The following CCDC92 variants were observed in gnomAD, a reference collection of about 807,000 sequenced individuals.
CCDC92 encodes the protein coiled-coil domain-containing protein 92.
CCDC92 carries 12 observed loss-of-function variants against 24.9 expected under a neutral mutation model. The ratio of observed to expected loss-of-function variants is 0.48; its 90% CI spans 0.31 to 0.78. CCDC92 has a LOEUF of 0.78. CCDC92 is among the 30% of genes least tolerant of loss of function. The pLI is 0.05. For missense variants in CCDC92, 399 were observed against 439.4 expected (o/e 0.91, Z 0.82); for synonymous variants, 193 against 196.3 (o/e 0.98, Z 0.14).
At chr12:123,938,847 T>TC (rs1430820124) in intron 4 of CCDC92, among the ~76,000 whole-genome samples, 1 of 151,990 alleles carries the variant, frequency 6.6e-6, no homozygotes, top group East Asian at 1.9e-4. Context: ...ATCCCTGGCC[T>TC]CCCCTCCCTG....
chr12:123,953,801 C>CAA (rs1956085660), intron 1 of CCDC92, among the ~76,000 whole-genome samples: 1 of 150,358 alleles, frequency 6.7e-6, no homozygotes, highest in Non-Finnish European at 1.5e-5. Context: ...AAAACAAAAA[C>CAA]AAAAATTAGC....
At chr12:123,966,127 G>C (rs961965240) in intron 1 of CCDC92, 1 of 152,154 alleles carries the variant, frequency 6.6e-6, no homozygotes, top group African/African-American at 2.4e-5. Flanking sequence ...GTGTCTATTT[G>C]TAACAGGAGT....
intron 1 of CCDC92, among the ~76,000 whole-genome samples, chr12:123,959,080 G>A (rs574567153): frequency 6.6e-6 from 1 of 152,304 alleles, no homozygotes; most frequent in South Asian, 2.1e-4. Context: ...GACCTCCACG[G>A]TTTGCATTCC....
intron 1 of CCDC92, among the ~76,000 whole-genome samples, chr12:123,972,308 C>T (rs1375054032): frequency 6.6e-6 from 1 of 152,070 alleles, no homozygotes; most frequent in Non-Finnish European, 1.5e-5. Flanking sequence ...TGCCTTCGCC[C>T]GGGGCCACCC....
intron 1 of CCDC92, among the ~76,000 whole-genome samples, chr12:123,955,599 G>T (rs1007350485): frequency 1.1e-4 from 16 of 152,292 alleles, no homozygotes; most frequent in African/African-American, 3.9e-4. Flanking sequence ...CCTAATTATA[G>T]TACAGGTTTT....
chr12:123,967,377 A>C (rs1956418545), intron 1 of CCDC92, among the ~76,000 whole-genome samples: 1 of 152,126 alleles, frequency 6.6e-6, no homozygotes, highest in Non-Finnish European at 1.5e-5. Flanking sequence ...CTGAGCGAAA[A>C]ACTCCAACCT....
chr12:123,940,546 C>T (rs1344235179), intron 4 of CCDC92, among the ~76,000 whole-genome samples: 1 of 152,210 alleles, frequency 6.6e-6, no homozygotes, highest in Admixed American at 6.5e-5. Context: ...CTGTCCTTCC[C>T]AGGAATCAGC....
Position 123,937,414 on chromosome 12 carries a change from A to G in CCDC92, c.640T>C (p.Leu214=). ...TAGACCTCTTCAAATTCCGGGTGCA[A>G]GGGGGCTGAGAGGCTCTTTTTCATG... The part of the protein sequence containing the change: ...RRMKKSLSAP[L]HPEFEEVYRF... The change falls in exon 5 of 5, where the codon TTG becomes CTG. Residue 214 remains leucine (L), a synonymous_variant. Transcript: ENST00000238156. The surrounding 1 kb of genome is among the most constrained non-coding windows in gnomAD (Gnocchi z 8.4). 3 of 1,613,698 alleles carry G rather than the reference A, an allele frequency of 1.9e-6. No individual in the cohort carries two copies. Among genetic ancestry groups the G allele is most frequent in the African/African-American group, 1.3e-5 (1 of 74,964 alleles).
At chr12:123,942,705 G>A (rs745995894) in intron 4 of CCDC92, 39 bp downstream of exon 4, 57 of 1,541,572 alleles carry the variant, frequency 3.7e-5, no homozygotes, top group Non-Finnish European at 4.8e-5. Context: ...ACCACAAAGG[G>A]AAACCTACTG....
chr12:123,954,352 T>C (rs1453395141), intron 1 of CCDC92, among the ~76,000 whole-genome samples: 1 of 152,236 alleles, frequency 6.6e-6, no homozygotes, highest in Non-Finnish European at 1.5e-5. Flanking sequence ...ATCCTTCATA[T>C]GTATTTTATT....
intron 1 of CCDC92, chr12:123,961,029 A>G (rs2138136789): frequency 6.6e-6 from 1 of 152,394 alleles, no homozygotes; most frequent in South Asian, 2.1e-4. Flanking sequence ...ACTCAGTCCT[A>G]TGCTTACAAT....
chr12:123,963,129 A>G (rs929793835), intron 1 of CCDC92, among the ~76,000 whole-genome samples: 8 of 152,226 alleles, frequency 5.3e-5, no homozygotes, highest in Admixed American at 3.3e-4. Flanking sequence ...TAAACAGACC[A>G]TAACGCACAG....
intron 2 of CCDC92, 67 bp downstream of exon 2, chr12:123,944,205 C>A: frequency 7.9e-6 from 8 of 1,007,216 alleles, no homozygotes; most frequent in Non-Finnish European, 1.1e-5. Flanking sequence ...GAGTCTGTCC[C>A]CAATGCTTGG....
At chr12:123,951,784 C>T (rs757507839) in intron 1 of CCDC92, among the ~76,000 whole-genome samples, 1 of 152,152 alleles carries the variant, frequency 6.6e-6, no homozygotes, top group African/African-American at 2.4e-5. Flanking sequence ...GAAGGCTGGC[C>T]AGAGAACAAA....
At chr12:123,940,917 C>T (rs141696923) in intron 4 of CCDC92, among the ~76,000 whole-genome samples, 140 of 152,038 alleles carry the variant, frequency 9.2e-4, no homozygotes, top group South Asian at 3.3e-3. Flanking sequence ...GGAGGGGAGA[C>T]GCCCCGACTG....
intron 1 of CCDC92, among the ~76,000 whole-genome samples, chr12:123,955,401 A>G (rs1956126671): frequency 6.6e-6 from 1 of 152,236 alleles, no homozygotes; most frequent in Non-Finnish European, 1.5e-5. Context: ...ATGCCAAATC[A>G]TCATTCATCC....
intron 4 of CCDC92, among the ~76,000 whole-genome samples, chr12:123,939,847 T>G (rs1380275871): frequency 6.6e-6 from 1 of 152,230 alleles, no homozygotes; most frequent in Non-Finnish European, 1.5e-5. Flanking sequence ...CCCTGCAACC[T>G]GAAATGCTGA....
chr12:123,956,111 C>T (rs909223680), intron 1 of CCDC92, among the ~76,000 whole-genome samples: 1 of 152,210 alleles, frequency 6.6e-6, no homozygotes, highest in African/African-American at 2.4e-5. Flanking sequence ...CAACAACAGT[C>T]ACTTCAGTAA....
chr12:123,968,850 A>G (rs1956454551), intron 1 of CCDC92, among the ~76,000 whole-genome samples: 1 of 152,282 alleles, frequency 6.6e-6, no homozygotes, highest in Non-Finnish European at 1.5e-5. Context: ...ACGAGAGAGT[A>G]ACTACTTTAA....
Sources: allele counts gnomAD v4.1 joint callset (sites outside exome capture counted in the v4.1 genomes callset), GRCh38; gene constraint gnomAD v4.1.1; non-coding constraint Gnocchi (gnomAD v3.1); transcripts MANE v1.5; gene names NCBI Gene and HGNC (gene_info 2026-07-23, HGNC 2026-07-21).